EPCAM: variants seen among roughly 807,000 people sequenced by gnomAD.
EPCAM encodes the protein epithelial cell adhesion molecule.
EPCAM carries 39 observed loss-of-function variants against 40.0 expected under a neutral mutation model. The ratio of observed to expected loss-of-function variants is 0.98; its 90% CI spans 0.76 to 1.27. The LOEUF is 1.27. EPCAM is among the 50% of genes most tolerant of loss of function. EPCAM has a pLI of 0.00. For synonymous variants in EPCAM, 168 were observed against 132.3 expected (o/e 1.27, Z -1.85); for missense variants, 503 against 381.2 (o/e 1.32, Z -2.66).
At chr2:47,375,767 G>A (rs1340393360) in intron 4 of EPCAM, among the ~76,000 whole-genome samples, 8 of 150,428 alleles carry the variant, frequency 5.3e-5, no homozygotes, top group South Asian at 2.1e-4. Flanking sequence ...GTGCAGTGGC[G>A]TGATCTCAGC....
intron 5 of EPCAM, among the ~76,000 whole-genome samples, chr2:47,377,437 A>G (rs1046903761): frequency 2.0e-5 from 3 of 151,936 alleles, no homozygotes; most frequent in African/African-American, 4.8e-5. Flanking sequence ...GGGTTTTGCT[A>G]TGTTGGCCAG....
At chr2:47,377,106 C>T (rs1288383198) in intron 5 of EPCAM, 29 bp downstream of exon 5, 7 of 1,419,122 alleles carry the variant, frequency 4.9e-6, no homozygotes, top group South Asian at 1.1e-5. Flanking sequence ...TGAGCTTTAG[C>T]AGACAGTTGG....
At chr2:47,380,033 C>T (rs1010449560) in intron 7 of EPCAM, 64 bp downstream of exon 7, 2 of 1,551,876 alleles carry the variant, frequency 1.3e-6, no homozygotes, top group Non-Finnish European at 8.7e-7. Flanking sequence ...GTAATAGTGG[C>T]TGGGCGCGGT....
chr2:47,374,149 G>A, intron 3 of EPCAM, 101 bp downstream of exon 3: 1 of 1,384,988 alleles, frequency 7.2e-7, no homozygotes, highest in Non-Finnish European at 1.0e-6. Context: ...TTAGAATTCA[G>A]AAGATATGAG....
At position 47,374,037 on chromosome 2, in the gene EPCAM, A is replaced by C; in HGVS notation, c.414A>C (p.Arg138=). The C allele has an allele frequency of 6.2e-7, 1 of 1,614,204 alleles. No individual in the cohort carries two copies. Among genetic ancestry groups the C allele is most frequent in the Non-Finnish European group, 8.5e-7 (1 of 1,180,036 alleles). The change falls in exon 3 of 9, where the codon CGA becomes CGC. Residue 138 remains arginine, a synonymous_variant. Coordinates refer to ENST00000263735, the MANE Select transcript of EPCAM (RefSeq NM_002354.3). ...ACACTGAAATAACCTGCTCTGAGCG[A>C]GTGAGAACCTAGTGAGTGGGGCTGC... ...DKDTEITCSE[R]VRTYWIIIEL...
chr2:47,386,158 TATC>T (rs1306944639), intron 8 of EPCAM, among the ~76,000 whole-genome samples: 2 of 152,214 alleles, frequency 1.3e-5, no homozygotes, highest in East Asian at 1.9e-4. Context: ...TAGTTGTCAT[TATC>T]ATTGTCTCAG....
chr2:47,371,310 G>GA (rs1011241957), intron 1 of EPCAM, among the ~76,000 whole-genome samples: 6 of 151,926 alleles, frequency 3.9e-5, no homozygotes, highest in Non-Finnish European at 7.4e-5. Flanking sequence ...GTTCAGCCTG[G>GA]AGTGCAGTGG....
chr2:47,380,882 A>G (rs1453956198), intron 7 of EPCAM, among the ~76,000 whole-genome samples: 1 of 151,914 alleles, frequency 6.6e-6, no homozygotes, highest in Non-Finnish European at 1.5e-5. Flanking sequence ...TGAGATCAGA[A>G]GTTCGAGACC....
At chr2:47,369,700 G>T in intron 1 of EPCAM, 119 bp downstream of exon 1, 1 of 1,081,928 alleles carries the variant, frequency 9.2e-7, no homozygotes, top group Non-Finnish European at 1.4e-6. Flanking sequence ...GCGCTTTCCA[G>T]CGTGGAGACC....
intron 3 of EPCAM, 117 bp from the exon 4 acceptor site, chr2:47,375,117 T>C (rs1305580767): frequency 1.1e-5 from 8 of 713,904 alleles, no homozygotes; most frequent in Admixed American, 4.4e-5. Flanking sequence ...GAATAGCTAC[T>C]GCATAAATTT....
At chr2:47,382,244 C>T (rs1217390179) in intron 7 of EPCAM, among the ~76,000 whole-genome samples, 2 of 152,026 alleles carry the variant, frequency 1.3e-5, no homozygotes, top group African/African-American at 4.8e-5. Flanking sequence ...GAAAGAATGA[C>T]AACAGGTAGG....
chr2:47,371,757 G>A (rs1671276492), intron 1 of EPCAM, among the ~76,000 whole-genome samples: 1 of 152,174 alleles, frequency 6.6e-6, no homozygotes, highest in East Asian at 1.9e-4. Flanking sequence ...AAACGCTTGA[G>A]AACAAGTGCT....
chr2:47,371,661 A>C (rs1671274125), intron 1 of EPCAM, among the ~76,000 whole-genome samples: 1 of 152,218 alleles, frequency 6.6e-6, no homozygotes, highest in South Asian at 2.1e-4. Context: ...GAAAGTCTGC[A>C]CCTGACTGGT....
Position 47,369,351 on chromosome 2 carries a change from G to A in EPCAM, c.-155G>A. 2 of 1,240,012 alleles carry A rather than the reference G, an allele frequency of 1.6e-6. No homozygotes were observed. Among genetic ancestry groups the A allele is most frequent in the Non-Finnish European group, 2.1e-6 (2 of 948,270 alleles). The allele number at this position is 1,240,012 out of a possible 1,614,324, so 76.8% of individuals were successfully genotyped here. A position where few individuals can be genotyped will look rare whatever the true frequency, so the allele number is the denominator to read the frequency against. ...TTCGGCGAGCGAGCACCTTCGACGC[G>A]GTCCGGGGACCCCCTCGTCGCTGTC... On this transcript the variant is annotated 5_prime_UTR_variant, in exon 1 of 9. Transcript: ENST00000263735.
At chr2:47,381,510 A>T (rs981259221) in intron 7 of EPCAM, among the ~76,000 whole-genome samples, 1 of 152,168 alleles carries the variant, frequency 6.6e-6, no homozygotes, top group Non-Finnish European at 1.5e-5. Context: ...ATCCATCTGG[A>T]ACAAAATGAA....
rs2103759418 is a variant in EPCAM, at chr2:47,379,943, G to A, written c.832G>A (p.Ala278Thr). Reference sequence around the variant, plus strand: ...TGCTGTTATTGTGGTTGTGGTGATAGCAGTTGTTGCTGGAATTGTTGTGCT... The same window carrying A: ...TGCTGTTATTGTGGTTGTGGTGATAACAGTTGTTGCTGGAATTGTTGTGCT... ...VIAVIVVVVI[A>T]VVAGIVVLVI... The change falls in exon 7 of 9, where the codon GCA (alanine) becomes ACA (threonine). Residue 278 changes from alanine to threonine, a missense_variant. By Grantham distance (58) the Ala-to-Thr change is moderately conservative (BLOSUM62 0). Transcript: ENST00000263735. 1.2e-6 allele frequency: 2 copies of A among 1,613,376 alleles called. No individual in the cohort carries two copies. Among genetic ancestry groups the A allele is most frequent in the Non-Finnish European group, 1.7e-6 (2 of 1,179,558 alleles).
At chr2:47,384,084 G>A (rs558962249) in intron 7 of EPCAM, among the ~76,000 whole-genome samples, 1 of 151,248 alleles carries the variant, frequency 6.6e-6, no homozygotes, top group East Asian at 1.9e-4. Context: ...TTTTTGTTTA[G>A]TAGTGAAAGT....
intron 1 of EPCAM, among the ~76,000 whole-genome samples, chr2:47,370,552 G>A (rs1205545358): frequency 6.6e-6 from 1 of 150,562 alleles, no homozygotes; most frequent in East Asian, 2.0e-4. Flanking sequence ...TGTGATTACA[G>A]GCGTGAGCCA....
At position 47,378,817 on chromosome 2, in the gene EPCAM, A is replaced by G. The variant is rs1049658081; in HGVS notation, c.556-136A>G. The G allele has an allele frequency of 3.1e-5, 19 of 609,940 alleles. No individual in the cohort carries two copies. In the East Asian group the frequency reaches 3.9e-4, roughly 13 times the overall value. The allele number at this position is 609,940 out of a possible 1,614,324, so 37.8% of individuals were successfully genotyped here. On this transcript the variant is annotated intron_variant, in intron 5 of 8. Transcript: ENST00000263735. ...TGATTAGTGATAAACTTAGTTATCCACTAATGGAAAGGAACAGTGATGCAT... is the reference window on the plus strand; with the variant it reads ...TGATTAGTGATAAACTTAGTTATCCGCTAATGGAAAGGAACAGTGATGCAT...
Sources: allele counts gnomAD v4.1 joint callset (sites outside exome capture counted in the v4.1 genomes callset), GRCh38; gene constraint gnomAD v4.1.1; transcripts MANE v1.5; gene names NCBI Gene and HGNC (gene_info 2026-07-23, HGNC 2026-07-21).